The following TEAD1 variants were observed in gnomAD, a reference collection of about 807,000 sequenced individuals.
The protein encoded by TEAD1 is TEA domain transcription factor 1, also known as transcriptional enhancer factor TEF-1.
Under a neutral mutation model 54.9 loss-of-function variants are expected in TEAD1, and 9 were observed. That is an observed-to-expected ratio of 0.16 (90% confidence interval 0.10 to 0.29). The LOEUF is 0.29. Among genes scored for constraint, TEAD1 ranks in the 10% least tolerant of loss-of-function variants. The pLI, the probability that TEAD1 is intolerant of heterozygous loss-of-function variation, is 1.00. For synonymous variants in TEAD1, 200 were observed against 187.8 expected, an observed-to-expected ratio of 1.07 and a Z score of -0.53; for missense variants, 387 against 535.9, an observed-to-expected ratio of 0.72 and a Z score of 2.74.
intron 3 of TEAD1, among the ~76,000 whole-genome samples, chr11:12,834,608 TA>T (rs1564957017): frequency 6.6e-6 from 1 of 150,864 alleles, no homozygotes; most frequent in African/African-American, 2.5e-5. Context: ...CAATTAAAGA[TA>T]TTTTTTGTTT....
chr11:12,740,152 A>T (rs10741602), intron 2 of TEAD1, among the ~76,000 whole-genome samples: 52,325 of 152,052 alleles, frequency 0.34, 9,620 homozygotes, highest in South Asian at 0.61. Flanking sequence ...GACTGTCTAG[A>T]TTTAAATCCT....
intron 2 of TEAD1, among the ~76,000 whole-genome samples, chr11:12,716,313 A>T (rs1944061233): frequency 6.6e-6 from 1 of 150,736 alleles, no homozygotes; most frequent in African/African-American, 2.5e-5. Context: ...TGCAGCAGAG[A>T]GTGTGACTTC....
At chr11:12,767,924 G>A (rs759641059) in intron 3 of TEAD1, among the ~76,000 whole-genome samples, 8 of 152,156 alleles carry the variant, frequency 5.3e-5, no homozygotes, top group Non-Finnish European at 1.0e-4. Flanking sequence ...GATAGCAGGA[G>A]GACAAGATGA....
chr11:12,722,642 T>G (rs1268247367), intron 2 of TEAD1, among the ~76,000 whole-genome samples: 1 of 143,422 alleles, frequency 7.0e-6, no homozygotes, highest in Non-Finnish European at 1.5e-5. Flanking sequence ...GTGATTTCTC[T>G]CTCTTTCTTT....
At chr11:12,888,689 C>CAATAGTG (rs1948138752) in intron 9 of TEAD1, among the ~76,000 whole-genome samples, 1 of 152,200 alleles carries the variant, frequency 6.6e-6, no homozygotes, top group South Asian at 2.1e-4. Flanking sequence ...CCACTCCTAG[C>CAATAGTG]AATAGTGATG....
intron 10 of TEAD1, among the ~76,000 whole-genome samples, chr11:12,914,100 C>G (rs1263345473): frequency 6.6e-6 from 1 of 152,128 alleles, no homozygotes; most frequent in Non-Finnish European, 1.5e-5. Flanking sequence ...CTAGTGGTCA[C>G]CTGAAGTTGT....
chr11:12,874,139 C>A (rs1947809076), intron 5 of TEAD1, among the ~76,000 whole-genome samples: 1 of 152,134 alleles, frequency 6.6e-6, no homozygotes, highest in Non-Finnish European at 1.5e-5. Flanking sequence ...ATTGATTATG[C>A]TGTTCATTAA....
intron 2 of TEAD1, among the ~76,000 whole-genome samples, chr11:12,710,829 C>T (rs1355031642): frequency 6.6e-6 from 1 of 152,036 alleles, no homozygotes; most frequent in Non-Finnish European, 1.5e-5. Flanking sequence ...GGGAGAGTAG[C>T]TCTTCAGGAG....
chr11:12,824,700 A>G (rs1345767360), intron 3 of TEAD1, among the ~76,000 whole-genome samples: 4 of 152,172 alleles, frequency 2.6e-5, no homozygotes, highest in African/African-American at 9.7e-5. Context: ...GGTTGGGGCC[A>G]GATTGCTAGA....
chr11:12,756,310 G>C (rs1314595856), intron 2 of TEAD1, among the ~76,000 whole-genome samples: 1 of 152,196 alleles, frequency 6.6e-6, no homozygotes, highest in African/African-American at 2.4e-5. Context: ...TGTTGCCTCA[G>C]TTCTCAGCAT....
intron 2 of TEAD1, among the ~76,000 whole-genome samples, chr11:12,745,587 G>GT (rs77963483): frequency 0.073 from 9,492 of 130,392 alleles, 996 homozygotes; most frequent in African/African-American, 0.24. Context: ...ATTTTAAGGG[G>GT]TTTTTTTTTT....
chr11:12,767,970 T>C (rs1945240978), intron 3 of TEAD1, among the ~76,000 whole-genome samples: 1 of 152,210 alleles, frequency 6.6e-6, no homozygotes, highest in Non-Finnish European at 1.5e-5. Flanking sequence ...TATCCAGAAT[T>C]GGATTTCAGA....
chr11:12,938,800 A>T lies in TEAD1; in HGVS notation c.*1578A>T, dbSNP rs1309716870. The T allele has an allele frequency of 6.6e-6, 1 of 152,272 alleles. No homozygotes were observed. Among genetic ancestry groups the T allele is most frequent in the Non-Finnish European group, 1.5e-5 (1 of 68,072 alleles). 9.4% of individuals were successfully genotyped at this position (152,272 alleles called of 1,614,324 possible). On this transcript the variant is annotated 3_prime_UTR_variant, in exon 13 of 13. Transcript: ENST00000527636. ...GTGTTTCACTGGGGAGAGAACAGGG[A>T]GTGCTCCTCCAGCTTCCCAAAGAAA...
chr11:12,870,170 G>A (rs1471694570), intron 5 of TEAD1, among the ~76,000 whole-genome samples: 1 of 152,198 alleles, frequency 6.6e-6, no homozygotes, highest in Non-Finnish European at 1.5e-5. Context: ...ATGAGCCACT[G>A]CGCCCAGCCG....
At chr11:12,832,536 A>C (rs149997223) in intron 3 of TEAD1, among the ~76,000 whole-genome samples, 1 of 152,334 alleles carries the variant, frequency 6.6e-6, no homozygotes, top group African/African-American at 2.4e-5. Context: ...ATTAATAACT[A>C]TACTGTTGTC....
At chr11:12,743,128 A>G (rs1260404669) in intron 2 of TEAD1, among the ~76,000 whole-genome samples, 2 of 152,244 alleles carry the variant, frequency 1.3e-5, no homozygotes, top group East Asian at 3.8e-4. Flanking sequence ...AAGATAGACA[A>G]AAACATTTAG....
chr11:12,875,474 TG>T (rs1253257964), intron 5 of TEAD1, among the ~76,000 whole-genome samples: 7 of 152,212 alleles, frequency 4.6e-5, no homozygotes, highest in African/African-American at 1.7e-4. Context: ...GGCAGACCCT[TG>T]GTTCTGATTT....
At chr11:12,822,677 G>A (rs982326721) in intron 3 of TEAD1, 2 of 152,292 alleles carry the variant, frequency 1.3e-5, no homozygotes, top group African/African-American at 4.8e-5. Flanking sequence ...GCAGAAGCCA[G>A]AGAGCTTTCC....
chr11:12,735,683 C>T (rs762216569), intron 2 of TEAD1, among the ~76,000 whole-genome samples: 1 of 152,044 alleles, frequency 6.6e-6, no homozygotes. Context: ...CATGTATCCC[C>T]TGGTCCCACC....
Sources: gnomAD v4.1 joint callset for allele counts (sites outside exome capture counted in the v4.1 genomes callset) on GRCh38, gnomAD v4.1.1 for gene constraint, MANE v1.5 for transcripts, NCBI Gene and HGNC (gene_info 2026-07-23, HGNC 2026-07-21) for gene names.